Variants in DOCK4 observed in about 807,000 individuals in gnomAD.
DOCK4 encodes dedicator of cytokinesis protein 4.
Under a neutral mutation model 268.1 loss-of-function variants are expected in DOCK4, and 97 were observed. That is an observed-to-expected ratio of 0.36 (90% CI 0.31 to 0.43). The LOEUF (loss-of-function observed/expected upper bound fraction) is 0.43, where lower values mean the gene tolerates loss of function less well. Ranked by LOEUF, DOCK4 falls within the 20% of genes least tolerant of loss-of-function variation. DOCK4 has a pLI of 1.00. For missense variants in DOCK4, 2,145 were observed against 2,455.7 expected (o/e 0.87, Z 2.67); for synonymous variants, 954 against 887.2 (o/e 1.08, Z -1.34).
At chr7:112,103,168 T>A (rs1040113110) in intron 1 of DOCK4, among the ~76,000 whole-genome samples, 1 of 152,220 alleles carries the variant, frequency 6.6e-6, no homozygotes, top group African/African-American at 2.4e-5. Context: ...AACTTATGAA[T>A]CACTGTTTAT....
At chr7:111,734,411 TTG>T (rs1795323687) in intron 51 of DOCK4, among the ~76,000 whole-genome samples, 1 of 152,210 alleles carries the variant, frequency 6.6e-6, no homozygotes, top group African/African-American at 2.4e-5. Flanking sequence ...GGTCCCAAAC[TTG>T]TGAGTTCAAG....
intron 51 of DOCK4, among the ~76,000 whole-genome samples, chr7:111,733,837 TAA>T (rs1320471544): frequency 1.3e-5 from 2 of 152,220 alleles, no homozygotes; most frequent in African/African-American, 2.4e-5. Flanking sequence ...TCAATAAGCT[TAA>T]AGTTATTTCT....
rs377447209 is a variant in DOCK4, at chr7:111,991,027, C to A, written c.316-1864G>T. Among the ~76,000 whole-genome samples, 7 of 152,268 alleles carry A rather than the reference C, an allele frequency of 4.6e-5. No individual in the cohort carries two copies. In the East Asian group the frequency reaches 7.7e-4, roughly 17 times the overall value. ...AAGCAAGTTATTAAACAAGTCAAAT[C>A]TCATGTAGCAAAGAAGAGACACAGC... On this transcript the variant is annotated intron_variant, in intron 5 of 52. Transcript: ENST00000428084.
chr7:111,846,221 G>C (rs934660640), intron 24 of DOCK4, among the ~76,000 whole-genome samples: 2 of 152,214 alleles, frequency 1.3e-5, no homozygotes, highest in Non-Finnish European at 2.9e-5. Context: ...TAGGGAAGCA[G>C]AGGAACAGGA....
At chr7:111,918,156 C>T (rs552895133) in intron 12 of DOCK4, among the ~76,000 whole-genome samples, 31 of 152,228 alleles carry the variant, frequency 2.0e-4, no homozygotes, top group African/African-American at 6.7e-4. Flanking sequence ...AGGTCCAAAT[C>T]GGAGCTAGAT....
chr7:111,798,448 T>A (rs75518234), intron 30 of DOCK4, among the ~76,000 whole-genome samples: 6,473 of 152,356 alleles, frequency 0.042, 173 homozygotes, highest in Middle Eastern at 0.068. Context: ...ATAGCAAGAC[T>A]GTAAGGAGTG....
intron 30 of DOCK4, among the ~76,000 whole-genome samples, chr7:111,793,401 A>C (rs1209534305): frequency 6.6e-6 from 1 of 152,214 alleles, no homozygotes; most frequent in East Asian, 1.9e-4. Flanking sequence ...TAAGTATTGA[A>C]ATTACTATAA....
chr7:111,804,028 A>G lies in DOCK4; in HGVS notation c.3166+4793T>C, dbSNP rs530055313. Among the ~76,000 whole-genome samples, 5 of 152,308 alleles carry G rather than the reference A, an allele frequency of 3.3e-5. No homozygotes were observed. In the East Asian group the frequency reaches 9.6e-4, roughly 29 times the overall value. Reference sequence around the variant, plus strand: ...GTAAAATGTTACAGCAGCTGTGGAGAACAGTTCCTCAAAAAATTAACAATA... The same window carrying G: ...GTAAAATGTTACAGCAGCTGTGGAGGACAGTTCCTCAAAAAATTAACAATA... On this transcript the variant is annotated intron_variant, in intron 30 of 52. Transcript: ENST00000428084.
rs192614419 is a variant in DOCK4, at chr7:111,956,573, G to A, written c.702-10775C>T. On this transcript the variant is annotated intron_variant, in intron 8 of 52. Coordinates refer to ENST00000428084, the MANE Select transcript of DOCK4 (RefSeq NM_001363540.2). The stretch of plus-strand genomic sequence containing the variant: ...CTAAGCAGAGAGCTACAGATAAGAG[G>A]TTAAATATCTCCACAGGTAGTTACT... Among the ~76,000 whole-genome samples the A allele has an allele frequency of 4.2e-3, 640 of 152,254 alleles. 5 individuals are homozygous for A. The highest frequency in any genetic ancestry group is 0.014 in the Middle Eastern group (4 of 294).
intron 1 of DOCK4, among the ~76,000 whole-genome samples, chr7:112,183,465 T>C (rs1350657092): frequency 6.6e-6 from 1 of 152,238 alleles, no homozygotes; most frequent in Non-Finnish European, 1.5e-5. Flanking sequence ...TTGGCTTTCA[T>C]GCCTTAGCTG....
intron 1 of DOCK4, among the ~76,000 whole-genome samples, chr7:112,139,387 A>G (rs1475986158): frequency 1.3e-5 from 2 of 152,254 alleles, no homozygotes; most frequent in Non-Finnish European, 2.9e-5. Context: ...TTCTAGATCC[A>G]GTAACCACTA....
intron 1 of DOCK4, among the ~76,000 whole-genome samples, chr7:112,127,181 C>G (rs897812738): frequency 9.9e-5 from 15 of 151,328 alleles, no homozygotes; most frequent in Non-Finnish European, 2.1e-4. Flanking sequence ...CAATGATAGA[C>G]TGGATTAAGA....
intron 23 of DOCK4, among the ~76,000 whole-genome samples, chr7:111,850,731 C>A (rs536909275): frequency 1.3e-5 from 2 of 152,056 alleles, no homozygotes; most frequent in Non-Finnish European, 2.9e-5. Flanking sequence ...ACCTTGTGAC[C>A]CCCACCCCTG....
At chr7:112,099,292 G>C in intron 1 of DOCK4, among the ~76,000 whole-genome samples, 1 of 126,996 alleles carries the variant, frequency 7.9e-6, no homozygotes, top group East Asian at 2.3e-4. Context: ...ACCCTGTCTC[G>C]GATTTAAAAA....
chr7:111,907,731 T>C (rs928367071), intron 13 of DOCK4, among the ~76,000 whole-genome samples: 1 of 152,126 alleles, frequency 6.6e-6, no homozygotes, highest in Non-Finnish European at 1.5e-5. Context: ...ATACATTATA[T>C]ATATCAATGT....
At chr7:112,062,664 G>A (rs769957730) in intron 1 of DOCK4, among the ~76,000 whole-genome samples, 1 of 152,088 alleles carries the variant, frequency 6.6e-6, no homozygotes, top group Non-Finnish European at 1.5e-5. Flanking sequence ...CTTCTAGATA[G>A]TACAATAGCT....
chr7:112,163,858 C>T (rs956428534), intron 1 of DOCK4, among the ~76,000 whole-genome samples: 16 of 152,156 alleles, frequency 1.1e-4, no homozygotes, highest in Non-Finnish European at 2.4e-4. Flanking sequence ...CTGCAAGGGG[C>T]TAAGCAAGCA....
chr7:112,082,050 G>A (rs990383240), intron 1 of DOCK4, among the ~76,000 whole-genome samples: 1 of 108,466 alleles, frequency 9.2e-6, no homozygotes, highest in Non-Finnish European at 1.8e-5. Flanking sequence ...ACGCTGGAGA[G>A]GCGTGGGGAA....
chr7:112,169,347 T>C lies in DOCK4; in HGVS notation c.37+36755A>G, dbSNP rs536136689. Among the ~76,000 whole-genome samples the C allele has an allele frequency of 1.6e-4, 24 of 152,286 alleles. 1 individual carries two copies. The South Asian group carries it at 3.3e-3, about 21-fold the overall frequency. On this transcript the variant is annotated intron_variant, in intron 1 of 52. Transcript: ENST00000428084. The stretch of plus-strand genomic sequence containing the variant: ...AGTACAAGAATGGACTAATATGCCA[T>C]TGCTCCAAAGCTATACCTTTCCAAG...
Sources: allele counts gnomAD v4.1 joint callset (sites outside exome capture counted in the v4.1 genomes callset), GRCh38; gene constraint gnomAD v4.1.1; transcripts MANE v1.5; gene names NCBI Gene and HGNC (gene_info 2026-07-23, HGNC 2026-07-21).